Variants in DCLK1 observed in about 807,000 individuals in gnomAD.
The protein encoded by DCLK1 is doublecortin like kinase 1.
In DCLK1, 16 loss-of-function variants were observed where a neutral mutation model predicts 86.2. The ratio of observed to expected loss-of-function variants is 0.19; its 90% CI spans 0.13 to 0.28. The LOEUF (loss-of-function observed/expected upper bound fraction) is 0.28, where lower values mean the gene tolerates loss of function less well. Ranked by LOEUF, DCLK1 falls within the 10% of genes least tolerant of loss-of-function variation. The pLI, the probability that DCLK1 is intolerant of heterozygous loss-of-function variation, is 1.00. For synonymous variants in DCLK1, 369 were observed against 370.5 expected, an observed-to-expected ratio of 1.00 and a Z score of 0.05; for missense variants, 590 against 940.2, an observed-to-expected ratio of 0.63 and a Z score of 4.87.
At chr13:35,935,597 G>A (rs1233509151) in intron 4 of DCLK1, among the ~76,000 whole-genome samples, 1 of 152,208 alleles carries the variant, frequency 6.6e-6, no homozygotes, top group Non-Finnish European at 1.5e-5. Flanking sequence ...TAGATGATGA[G>A]TTCAGTTGTG....
At chr13:36,088,606 A>G (rs543706759) in intron 3 of DCLK1, among the ~76,000 whole-genome samples, 2 of 152,232 alleles carry the variant, frequency 1.3e-5, no homozygotes, top group Non-Finnish European at 2.9e-5. Flanking sequence ...AATGTGCCCT[A>G]CAGGACAGCA....
intron 3 of DCLK1, among the ~76,000 whole-genome samples, chr13:36,018,043 A>C (rs113485668): frequency 6.6e-6 from 1 of 152,140 alleles, no homozygotes; most frequent in Non-Finnish European, 1.5e-5. Flanking sequence ...TATTTCCACT[A>C]TGGCCAGGAA....
chr13:35,904,125 A>G (rs1383849862), intron 4 of DCLK1, among the ~76,000 whole-genome samples: 5 of 152,186 alleles, frequency 3.3e-5, no homozygotes, highest in African/African-American at 4.8e-5. Flanking sequence ...ATTCTAAACC[A>G]AATATTAAAA....
chr13:35,959,291 G>A (rs1878318343), intron 3 of DCLK1, among the ~76,000 whole-genome samples: 1 of 152,120 alleles, frequency 6.6e-6, no homozygotes, highest in African/African-American at 2.4e-5. Flanking sequence ...AAGGCATAAA[G>A]CATCATGACT....
In DCLK1 at chr13:36,014,163, C is replaced by T. The variant is rs570830960; in HGVS notation, c.724-66706G>A. ...CTCAGATGGAAATGCAGAAATCACC[C>T]GTCTTCTGCGTCGCTCACGCTGGGA... On this transcript the variant is annotated intron_variant, in intron 3 of 16. Transcript: ENST00000360631. Among the ~76,000 whole-genome samples the T allele has an allele frequency of 2.0e-3, 298 of 152,314 alleles. 1 individual carries two copies. The highest frequency in any genetic ancestry group is 6.7e-3 in the African/African-American group (279 of 41,580).
chr13:35,812,807 AT>A (rs1161252429), intron 11 of DCLK1, among the ~76,000 whole-genome samples: 1 of 152,142 alleles, frequency 6.6e-6, no homozygotes, highest in East Asian at 1.9e-4. Flanking sequence ...GTCACCTGTG[AT>A]TGGGTTGTTA....
chr13:35,955,053 C>T (rs1035106100), intron 3 of DCLK1, among the ~76,000 whole-genome samples: 1 of 152,114 alleles, frequency 6.6e-6, no homozygotes, highest in African/African-American at 2.4e-5. Flanking sequence ...TTGACATGGA[C>T]ATCAGCTATT....
intron 4 of DCLK1, among the ~76,000 whole-genome samples, chr13:35,871,801 TC>T (rs1303007423): frequency 6.6e-6 from 1 of 152,144 alleles, no homozygotes; most frequent in African/African-American, 2.4e-5. Flanking sequence ...TTGCCATGGG[TC>T]CTCACGGAGA....
chr13:36,072,184 C>T (rs1802011327), intron 3 of DCLK1, among the ~76,000 whole-genome samples: 1 of 152,160 alleles, frequency 6.6e-6, no homozygotes, highest in African/African-American at 2.4e-5. Context: ...ATCAGACACC[C>T]CCAGGTTATT....
At chr13:35,967,119 C>T (rs928350058) in intron 3 of DCLK1, among the ~76,000 whole-genome samples, 8 of 151,650 alleles carry the variant, frequency 5.3e-5, no homozygotes, top group African/African-American at 1.9e-4. Flanking sequence ...CCTCGCCGCC[C>T]CATCTGAGAT....
chr13:35,926,585 G>A (rs549127991), intron 4 of DCLK1, among the ~76,000 whole-genome samples: 7 of 152,250 alleles, frequency 4.6e-5, no homozygotes, highest in Admixed American at 1.3e-4. Context: ...TCAGATAAAT[G>A]TTTGTTAAAT....
intron 4 of DCLK1, among the ~76,000 whole-genome samples, chr13:35,902,233 G>T (rs1430095479): frequency 6.6e-6 from 1 of 152,218 alleles, no homozygotes; most frequent in African/African-American, 2.4e-5. Flanking sequence ...TTGGAGCCAA[G>T]GGTGAAACCC....
At chr13:36,023,545 A>G (rs747165941) in intron 3 of DCLK1, among the ~76,000 whole-genome samples, 42 of 152,200 alleles carry the variant, frequency 2.8e-4, no homozygotes, top group Non-Finnish European at 4.7e-4. Context: ...TGCTTATTCA[A>G]AGTTTCCCAA....
intron 8 of DCLK1, among the ~76,000 whole-genome samples, chr13:35,833,099 T>G (rs1174037761): frequency 6.6e-6 from 1 of 152,152 alleles, no homozygotes; most frequent in Non-Finnish European, 1.5e-5. Context: ...AGCCAGCAGC[T>G]TGGGGCACAC....
chr13:36,054,636 A>G (rs1489152865), intron 3 of DCLK1, among the ~76,000 whole-genome samples: 1 of 152,168 alleles, frequency 6.6e-6, no homozygotes, highest in African/African-American at 2.4e-5. Context: ...AGTAATGGGG[A>G]TGCTATTTTA....
At chr13:35,873,356 A>T (rs938520280) in intron 4 of DCLK1, among the ~76,000 whole-genome samples, 3 of 152,152 alleles carry the variant, frequency 2.0e-5, no homozygotes, top group East Asian at 3.9e-4. Flanking sequence ...GCTCTGAATG[A>T]TGCCCTCCAG....
chr13:36,062,455 T>C (rs535907737), intron 3 of DCLK1, among the ~76,000 whole-genome samples: 3 of 152,286 alleles, frequency 2.0e-5, no homozygotes, highest in Admixed American at 2.0e-4. Context: ...ACAACCCACC[T>C]GTTACCCTAG....
rs1484464258 is a variant in DCLK1, at chr13:36,117,067, T to C, written c.377-4852A>G. 4.0e-5 allele frequency among the ~76,000 whole-genome samples: 6 copies of C among 151,858 alleles called. No individual in the cohort carries two copies. The East Asian group carries it at 1.2e-3, about 29-fold the overall frequency. ...AAGTCTTCCGTAACACAATAGAACA[T>C]AAAAGTAAGCTTATAGAAAATGAAC... On this transcript the variant is annotated intron_variant, in intron 2 of 16. Coordinates refer to ENST00000360631, the MANE Select transcript of DCLK1 (RefSeq NM_001330071.2).
At chr13:35,881,177 A>G (rs1872876261) in intron 4 of DCLK1, among the ~76,000 whole-genome samples, 1 of 152,144 alleles carries the variant, frequency 6.6e-6, no homozygotes, top group Non-Finnish European at 1.5e-5. Context: ...ATCAATAACA[A>G]ATTACAATGG....
Sources: gnomAD v4.1 joint callset for allele counts (sites outside exome capture counted in the v4.1 genomes callset) on GRCh38, gnomAD v4.1.1 for gene constraint, MANE v1.5 for transcripts, NCBI Gene and HGNC (gene_info 2026-07-23, HGNC 2026-07-21) for gene names.